Variants in CNN3 observed in about 807,000 individuals in gnomAD.
The protein encoded by CNN3 is calponin-3.
In CNN3, 11 loss-of-function variants were observed where a neutral mutation model predicts 39.0. The observed-to-expected ratio is 0.28, with a 90% confidence interval of 0.18 to 0.47. The LOEUF is 0.47. Ranked by LOEUF, CNN3 falls within the 20% of genes least tolerant of loss-of-function variation. CNN3 has a pLI of 0.99. For synonymous variants in CNN3, 101 were observed against 138.3 expected, an observed-to-expected ratio of 0.73 and a Z score of 1.89; for missense variants, 266 against 403.4, an observed-to-expected ratio of 0.66 and a Z score of 2.92.
At chr1:94,922,465 A>G (rs1344133518) in intron 1 of CNN3, among the ~76,000 whole-genome samples, 1 of 152,246 alleles carries the variant, frequency 6.6e-6, no homozygotes, top group Non-Finnish European at 1.5e-5. Context: ...TAAAATATCG[A>G]TCTTGAGACA....
At chr1:94,918,180 T>C (rs1671335120) in intron 1 of CNN3, among the ~76,000 whole-genome samples, 4 of 152,070 alleles carry the variant, frequency 2.6e-5, no homozygotes, top group Admixed American at 2.6e-4. Context: ...TGCACATGAA[T>C]ATATTGCCCA....
intron 1 of CNN3, among the ~76,000 whole-genome samples, chr1:94,907,080 T>TG (rs540556298): frequency 2.0e-3 from 304 of 152,120 alleles, no homozygotes; most frequent in African/African-American, 6.1e-3. Flanking sequence ...TGAGTGGTTG[T>TG]GGGGGGGAGC....
At chr1:94,925,568 G>A in intron 1 of CNN3, 4 of 971,808 alleles carry the variant, frequency 4.1e-6, no homozygotes, top group Non-Finnish European at 3.7e-6. Context: ...ATGATGTGCA[G>A]ACTAACAGCG....
At chr1:94,915,474 C>T (rs859044) in intron 1 of CNN3, among the ~76,000 whole-genome samples, 77 of 152,100 alleles carry the variant, frequency 5.1e-4, no homozygotes, top group Non-Finnish European at 4.1e-4. Flanking sequence ...CCCTCCACAT[C>T]GACAGTAAAG....
rs1488624848 is a variant in CNN3, at chr1:94,925,559, T to C, written c.57+1279A>G. On this transcript the variant is annotated intron_variant, in intron 1 of 6. Coordinates refer to ENST00000370206, the MANE Select transcript of CNN3 (RefSeq NM_001839.5). ...TCAACTCCTTGCTTCAAAGACAGTA[T>C]GATGTGCAGACTAACAGCGGGAGAC... 2.4e-5 allele frequency: 23 copies of C among 957,586 alleles called. No individual in the cohort carries two copies. The African/African-American group carries it at 4.1e-4, about 17-fold the overall frequency. 59.3% of individuals were successfully genotyped at this position (957,586 alleles called of 1,614,324 possible). A position where few individuals can be genotyped will look rare whatever the true frequency, so the allele number is the denominator to read the frequency against.
At chr1:94,908,174 T>A (rs529806087) in intron 1 of CNN3, among the ~76,000 whole-genome samples, 338 of 152,232 alleles carry the variant, frequency 2.2e-3, no homozygotes, top group Non-Finnish European at 3.7e-3. Context: ...CTCTCCAACA[T>A]CCCTCTAGCC....
intron 1 of CNN3, chr1:94,925,625 T>C: frequency 4.1e-6 from 4 of 985,406 alleles, no homozygotes; most frequent in Non-Finnish European, 4.8e-6. Context: ...AACGGTGCGC[T>C]TCATTACCTC....
chr1:94,916,910 C>T (rs1016964886), intron 1 of CNN3, among the ~76,000 whole-genome samples: 10 of 152,210 alleles, frequency 6.6e-5, no homozygotes, highest in African/African-American at 1.9e-4. Context: ...CCATTCCAAT[C>T]AAGATACTGG....
At chr1:94,905,489 T>C (rs530063469) in intron 1 of CNN3, among the ~76,000 whole-genome samples, 3 of 152,272 alleles carry the variant, frequency 2.0e-5, no homozygotes, top group Admixed American at 6.5e-5. Flanking sequence ...CTGCTTTGAC[T>C]GAGAGAGGGC....
chr1:94,905,786 C>A (rs924597801), intron 1 of CNN3, among the ~76,000 whole-genome samples: 1 of 152,130 alleles, frequency 6.6e-6, no homozygotes, highest in Non-Finnish European at 1.5e-5. Flanking sequence ...GTCTCAAACT[C>A]CTGGTCTCAT....
intron 4 of CNN3, 151 bp downstream of exon 4, chr1:94,901,970 G>A (rs1670880132): frequency 1.3e-6 from 1 of 749,364 alleles, no homozygotes. Flanking sequence ...GTACGATGCA[G>A]CTGATGTCAG....
intron 1 of CNN3, among the ~76,000 whole-genome samples, chr1:94,916,996 G>C (rs972076573): frequency 3.3e-5 from 5 of 152,106 alleles, no homozygotes; most frequent in African/African-American, 9.7e-5. Context: ...ATTTTGATAA[G>C]ATATCATTTT....
rs987995898 is a variant in CNN3, at chr1:94,926,785, G to A, written c.57+53C>T. 1.3e-5 allele frequency: 21 copies of A among 1,575,374 alleles called. No individual in the cohort carries two copies. In the South Asian group the frequency reaches 2.1e-4, roughly 15 times the overall value. ...GCAAACGAAGCACGGCCCAGCGCCA[G>A]GCCAGCCCAAGGGTGCCCCGGGGGC... On this transcript the variant is annotated intron_variant, in intron 1 of 6. Transcript: ENST00000370206. The surrounding 1 kb of genome is among the most constrained non-coding windows in gnomAD (Gnocchi z 4.2).
In CNN3 at chr1:94,897,242, AAAC is replaced by A. The variant is rs1478430267; in HGVS notation, c.*497_*499del. 6.4e-6 allele frequency: 1 copy of A among 155,504 alleles called. No individual in the cohort carries two copies. Among genetic ancestry groups the A allele is most frequent in the East Asian group, 1.9e-4 (1 of 5,252 alleles). 9.6% of individuals were successfully genotyped at this position (155,504 alleles called of 1,614,324 possible). A position where few individuals can be genotyped will look rare whatever the true frequency, so the allele number is the denominator to read the frequency against. On this transcript the variant is annotated 3_prime_UTR_variant, in exon 7 of 7. Transcript: ENST00000370206. Reference sequence around the variant, plus strand: ...ATCATGACTTTATTTAAAAATTAGCAAACAATACTGTAGAAACATTGATATGTA... The same window carrying A: ...ATCATGACTTTATTTAAAAATTAGCAAATACTGTAGAAACATTGATATGTA...
At chr1:94,918,968 C>G (rs555039269) in intron 1 of CNN3, among the ~76,000 whole-genome samples, 3 of 152,148 alleles carry the variant, frequency 2.0e-5, no homozygotes, top group African/African-American at 7.2e-5. Context: ...TCCCACTGGC[C>G]CATATGAAGA....
chr1:94,913,594 C>T (rs1382486062), intron 1 of CNN3, among the ~76,000 whole-genome samples: 1 of 152,172 alleles, frequency 6.6e-6, no homozygotes, highest in Non-Finnish European at 1.5e-5. Flanking sequence ...AAGCTGACAT[C>T]AGTTTCTAGA....
rs56226800 is a variant in CNN3, at chr1:94,897,371, T to TAAA, written c.*368_*370dup. The TAAA allele has an allele frequency of 3.3e-4, 42 of 126,942 alleles. No homozygotes were observed. The highest frequency in any genetic ancestry group is 1.0e-3 in the South Asian group (4 of 3,916). 7.9% of individuals were successfully genotyped at this position (126,942 alleles called of 1,614,324 possible). A position where few individuals can be genotyped will look rare whatever the true frequency, so the allele number is the denominator to read the frequency against. On this transcript the variant is annotated 3_prime_UTR_variant, in exon 7 of 7. Coordinates refer to ENST00000370206, the MANE Select transcript of CNN3 (RefSeq NM_001839.5). ...TGTAGAAACCAGATACACTAAACTG[T>TAAA]AAAAAAAAAAAAAAAAAAAAAAAGT...
Position 94,897,681 on chromosome 1 carries a change from C to A in CNN3, c.*61G>T. The A allele has an allele frequency of 6.9e-7, 1 of 1,454,780 alleles. No individual in the cohort carries two copies. Among genetic ancestry groups the A allele is most frequent in the South Asian group, 1.3e-5 (1 of 78,800 alleles). 90.1% of individuals were successfully genotyped at this position (1,454,780 alleles called of 1,614,324 possible). A position where few individuals can be genotyped will look rare whatever the true frequency, so the allele number is the denominator to read the frequency against. On this transcript the variant is annotated 3_prime_UTR_variant, in exon 7 of 7. Coordinates refer to ENST00000370206, the MANE Select transcript of CNN3 (RefSeq NM_001839.5). ...AAGACAAGATAAAAATTACTCAAGG[C>A]TAGCTTGGTTCTCACTGAATAAAAA...
At position 94,927,037 on chromosome 1, in the gene CNN3, C is replaced by G. The variant is rs11540278; in HGVS notation, c.-143G>C. 1.2e-6 allele frequency: 1 copy of G among 853,746 alleles called. No individual in the cohort carries two copies. Among genetic ancestry groups the G allele is most frequent in the East Asian group, 2.9e-5 (1 of 34,094 alleles). 52.9% of individuals were successfully genotyped at this position (853,746 alleles called of 1,614,324 possible). ...GGAGGCGCAGGAGACGGCCGCGGGG[C>G]GCGGGCGGTGCCTGGGCGACTGGGT... On this transcript the variant is annotated 5_prime_UTR_variant, in exon 1 of 7. Transcript: ENST00000370206.
Sources: allele counts gnomAD v4.1 joint callset (sites outside exome capture counted in the v4.1 genomes callset), GRCh38; gene constraint gnomAD v4.1.1; non-coding constraint Gnocchi (gnomAD v3.1); transcripts MANE v1.5; gene names NCBI Gene and HGNC (gene_info 2026-07-23, HGNC 2026-07-21).